The following TIAL1 variants were observed in gnomAD, a reference collection of about 807,000 sequenced individuals.
TIAL1 encodes TIA1 cytotoxic granule associated RNA binding protein like 1, also known as nucleolysin TIAR.
A neutral mutation model predicts 59.7 loss-of-function variants in TIAL1; 7 were observed. The observed-to-expected ratio is 0.12, with a 90% confidence interval of 0.07 to 0.22. TIAL1 has a LOEUF of 0.22. TIAL1 is among the 10% of genes least tolerant of loss of function. The pLI is 1.00. For synonymous variants in TIAL1, 149 were observed against 146.3 expected (o/e 1.02, Z -0.13); for missense variants, 225 against 462.5 (o/e 0.49, Z 4.71).
Position 119,596,132 on chromosome 10 carries a change from T to TCTC in TIAL1, c.32+299_32+301dup, listed in dbSNP as rs1589892995. On this transcript the variant is annotated intron_variant, in intron 1 of 11. Transcript: ENST00000436547. The stretch of plus-strand genomic sequence containing the variant: ...TCCAACGCGGAGGGGGTGCAGGAGT[T>TCTC]CTCCTGGGCCTGACAGCCTCAGCCG... Among the ~76,000 whole-genome samples the TCTC allele has an allele frequency of 8.6e-5, 13 of 151,648 alleles. No homozygotes were observed. The East Asian group carries it at 2.5e-3, about 30-fold the overall frequency.
chr10:119,589,034 T>C (rs1212161255), intron 1 of TIAL1, among the ~76,000 whole-genome samples: 1 of 152,174 alleles, frequency 6.6e-6, no homozygotes, highest in Non-Finnish European at 1.5e-5. Context: ...AGCAATTACA[T>C]GAACAAAGAA....
Position 119,596,609 on chromosome 10 carries a change from C to G in TIAL1, c.-144G>C. 1 of 662,888 alleles carries G rather than the reference C, an allele frequency of 1.5e-6. No homozygotes were observed. The highest frequency in any genetic ancestry group is 2.6e-6 in the Non-Finnish European group (1 of 389,978). 41.1% of individuals were successfully genotyped at this position (662,888 alleles called of 1,614,324 possible). A position where few individuals can be genotyped will look rare whatever the true frequency, so the allele number is the denominator to read the frequency against. On this transcript the variant is annotated 5_prime_UTR_variant, in exon 1 of 12. Coordinates refer to ENST00000436547, the MANE Select transcript of TIAL1 (RefSeq NM_003252.4). ...GAACCCTGCTCTCGGGCTCTCTCCC[C>G]CCAGCCCGCTCCGGACACTGCGCTC...
chr10:119,588,115 T>A, intron 2 of TIAL1, 37 bp downstream of exon 2: 2 of 1,259,926 alleles, frequency 1.6e-6, no homozygotes, highest in Non-Finnish European at 1.1e-6. Context: ...CAACCCATCA[T>A]GCTAATTGTC....
In TIAL1 at chr10:119,575,720, A is replaced by G. The variant is rs1480896277; in HGVS notation, c.1073T>C (p.Val358Ala). Residue 358 changes from valine (V) to alanine (A), a missense_variant, in exon 12 of 12, where the codon GTA (valine) becomes GCA (alanine). Around this residue, in one of 4 missense-constraint regions of TIAL1, gnomAD observed 68 missense variants for 71.3 expected, o/e 0.95. Transcript: ENST00000436547. Reference protein sequence around the residue: ...QPPQGQAPPPVIPPPNQAGYG... With the variant: ...QPPQGQAPPPAIPPPNQAGYG... ...TCCGGCTTGGTTAGGAGGAGGTATT[A>G]CAGGGGGAGGAGCTTGTCCTTGGGG... 1.4e-5 allele frequency: 23 copies of G among 1,611,826 alleles called. No individual in the cohort carries two copies. The highest frequency in any genetic ancestry group is 1.9e-5 in the Non-Finnish European group (22 of 1,179,048).
At position 119,574,327 on chromosome 10, in the gene TIAL1, G is replaced by A. The variant is rs1448639929; in HGVS notation, c.*1338C>T. 9 of 151,448 alleles carry A rather than the reference G, an allele frequency of 5.9e-5. No individual in the cohort carries two copies. Among genetic ancestry groups the A allele is most frequent in the African/African-American group, 2.2e-4 (9 of 41,316 alleles). 9.4% of individuals were successfully genotyped at this position (151,448 alleles called of 1,614,324 possible). ...TTATACCATGCACACTGCCCACAAG[G>A]AAAAAAATTAATTGAAAATAAAAGC... On this transcript the variant is annotated 3_prime_UTR_variant, in exon 12 of 12. Coordinates refer to ENST00000436547, the MANE Select transcript of TIAL1 (RefSeq NM_003252.4).
intron 1 of TIAL1, among the ~76,000 whole-genome samples, chr10:119,590,762 GAGAAAGAAAGAAAGAAAGAAAGAA>G (rs60594014): frequency 0.043 from 5,370 of 125,364 alleles, 181 homozygotes; most frequent in South Asian, 0.19. Context: ...GAGAGAAAGA[GAGAAAGAAAGAAAGAAAGAAAGAA>G]AGAAAGAAAG....
Position 119,582,391 on chromosome 10 carries a change from A to T in TIAL1, c.228+68T>A, listed in dbSNP as rs1477484315. Reference sequence around the variant, plus strand: ...AATATCTGCTCAAAAATTTGCCTAGAAAGAATACAAACTAGTTTGACATGC... The same window carrying T: ...AATATCTGCTCAAAAATTTGCCTAGTAAGAATACAAACTAGTTTGACATGC... On this transcript the variant is annotated intron_variant, in intron 3 of 11. Transcript: ENST00000436547. This position sits in a 1 kb window ranked among gnomAD's most constrained non-coding sequence, Gnocchi z 5.1. 6.6e-7 allele frequency: 1 copy of T among 1,522,594 alleles called. No homozygotes were observed. The highest frequency in any genetic ancestry group is 1.4e-5 in the African/African-American group (1 of 71,748). The allele number at this position is 1,522,594 out of a possible 1,614,324, so 94.3% of individuals were successfully genotyped here.
intron 5 of TIAL1, chr10:119,580,383 A>G: frequency 2.0e-6 from 1 of 489,312 alleles, no homozygotes; most frequent in Non-Finnish European, 2.7e-6. Context: ...ATCTCTAAAT[A>G]GTTAAATGTC....
chr10:119,578,529 G>A (rs1370409846), intron 7 of TIAL1, among the ~76,000 whole-genome samples, 197 bp downstream of exon 7: 1 of 152,086 alleles, frequency 6.6e-6, no homozygotes, highest in Non-Finnish European at 1.5e-5. Flanking sequence ...TACTCAGGAG[G>A]CTGAGGTGAA....
chr10:119,593,812 T>C (rs575672651), intron 1 of TIAL1, among the ~76,000 whole-genome samples: 3 of 152,330 alleles, frequency 2.0e-5, no homozygotes, highest in Non-Finnish European at 2.9e-5. Context: ...AAAATCCCAA[T>C]TGTTAAACAT....
At chr10:119,580,845 T>A in intron 5 of TIAL1, 1 of 1,242,884 alleles carries the variant, frequency 8.0e-7, no homozygotes, top group Admixed American at 2.6e-5. Flanking sequence ...TTATGAGCAA[T>A]TCTGCAAAAT....
At chr10:119,596,120 GGGTGCA>G (rs994379051) in intron 1 of TIAL1, among the ~76,000 whole-genome samples, 84 of 152,194 alleles carry the variant, frequency 5.5e-4, no homozygotes, top group Admixed American at 2.5e-3. Context: ...AACGCGGAGG[GGGTGCA>G]GGAGTTCTCC....
intron 5 of TIAL1, 180 bp from the exon 6 acceptor site, chr10:119,580,190 A>G: frequency 3.9e-6 from 2 of 509,370 alleles, no homozygotes; most frequent in Non-Finnish European, 3.3e-6. Flanking sequence ...AAAAAGCAGT[A>G]GGACAAAAAC....
chr10:119,582,112 A>G lies in TIAL1; in HGVS notation c.283+57T>C. On this transcript the variant is annotated intron_variant, in intron 4 of 11. Transcript: ENST00000436547. The surrounding 1 kb of genome is among the most constrained non-coding windows in gnomAD (Gnocchi z 5.1). ...AAAAAAAAACCTATTTAAGCTGGTA[A>G]TGCCTCCTGGATAATTTCAGAACTC... The G allele has an allele frequency of 6.3e-7, 1 of 1,598,092 alleles. No individual in the cohort carries two copies. The highest frequency in any genetic ancestry group is 8.5e-7 in the Non-Finnish European group (1 of 1,172,080).
chr10:119,582,597 G>A lies in TIAL1; in HGVS notation c.130-40C>T. 1 of 1,600,016 alleles carries A rather than the reference G, an allele frequency of 6.2e-7. No individual in the cohort carries two copies. Among genetic ancestry groups the A allele is most frequent in the Non-Finnish European group, 8.5e-7 (1 of 1,175,254 alleles). ...ATCCAACAGAAGAGTTGACCCTTCT[G>A]CTATCGGGTTGCTGAGAAGAAAATC... is the stretch of plus-strand genomic sequence containing the variant. On this transcript the variant is annotated intron_variant, in intron 2 of 11. Transcript: ENST00000436547. The surrounding 1 kb of genome is among the most constrained non-coding windows in gnomAD (Gnocchi z 5.1).
chr10:119,594,462 T>C (rs555874959), intron 1 of TIAL1, among the ~76,000 whole-genome samples: 1 of 152,220 alleles, frequency 6.6e-6, no homozygotes, highest in Non-Finnish European at 1.5e-5. Flanking sequence ...TTATCAATCA[T>C]TCAGTGTGTG....
chr10:119,590,812 GAAAGAAAGAAAC>G (rs1247522650), intron 1 of TIAL1, among the ~76,000 whole-genome samples: 4 of 144,986 alleles, frequency 2.8e-5, no homozygotes, highest in Non-Finnish European at 4.5e-5. Flanking sequence ...AAGAAAGAAA[GAAAGAAAGAAAC>G]GAACAAGTGA....
chr10:119,577,288 C>T, intron 9 of TIAL1, 85 bp from the exon 10 acceptor site: 3 of 1,497,186 alleles, frequency 2.0e-6, no homozygotes, highest in Non-Finnish European at 8.9e-7. Flanking sequence ...TCAGTTTACA[C>T]CTGCAAGTTG....
In TIAL1 at chr10:119,573,767, G is replaced by A. The variant is rs993451834; in HGVS notation, c.*1898C>T. 2 of 152,026 alleles carry A rather than the reference G, an allele frequency of 1.3e-5. No homozygotes were observed. The highest frequency in any genetic ancestry group is 2.9e-5 in the Non-Finnish European group (2 of 67,992). The allele number at this position is 152,026 out of a possible 1,614,324, so 9.4% of individuals were successfully genotyped here. On this transcript the variant is annotated 3_prime_UTR_variant, in exon 12 of 12. Transcript: ENST00000436547. Reference sequence around the variant, plus strand: ...TTCCTCAAAGATACTATAAACAAAAGAAATAAGGGTATATTTTATAACAGA... The same window carrying A: ...TTCCTCAAAGATACTATAAACAAAAAAAATAAGGGTATATTTTATAACAGA...
Sources: gnomAD v4.1 joint callset for allele counts (sites outside exome capture counted in the v4.1 genomes callset) on GRCh38, gnomAD v4.1.1 for gene constraint, gnomAD v4.1.1 regional missense constraint, Gnocchi (gnomAD v3.1) non-coding constraint, MANE v1.5 for transcripts, NCBI Gene and HGNC (gene_info 2026-07-23, HGNC 2026-07-21) for gene names.